BTBD9: variants seen among roughly 807,000 people sequenced by gnomAD.
BTBD9 encodes BTB/POZ domain-containing protein 9.
In BTBD9, 49 loss-of-function variants were observed where a neutral mutation model predicts 64.3. That is an observed-to-expected ratio of 0.76 (90% CI 0.61 to 0.97). The LOEUF (loss-of-function observed/expected upper bound fraction) is 0.97. Among genes scored for constraint, BTBD9 ranks in the 50% least tolerant of loss-of-function variants. BTBD9 has a pLI of 0.00. For synonymous variants in BTBD9, 260 were observed against 274.7 expected, an observed-to-expected ratio of 0.95 and a Z score of 0.53; for missense variants, 598 against 762.1, an observed-to-expected ratio of 0.78 and a Z score of 2.53.
At chr6:38,304,510 C>T (rs1431670560) in intron 7 of BTBD9, among the ~76,000 whole-genome samples, 2 of 151,692 alleles carry the variant, frequency 1.3e-5, no homozygotes, top group African/African-American at 4.8e-5. Context: ...CATGCCAATA[C>T]ACTCCAGCCT....
chr6:38,332,034 G>T (rs1763694608), intron 7 of BTBD9, among the ~76,000 whole-genome samples: 2 of 152,148 alleles, frequency 1.3e-5, no homozygotes, highest in South Asian at 2.1e-4. Flanking sequence ...TATTAGCGAG[G>T]CAAAACGCTT....
chr6:38,374,302 T>TATATATATATATATATAC (rs1562095430), intron 6 of BTBD9, among the ~76,000 whole-genome samples: 2 of 91,850 alleles, frequency 2.2e-5, no homozygotes, highest in Non-Finnish European at 4.1e-5. Flanking sequence ...TATATGTATA[T>TATATATATATATATATAC]ATATGTATAT....
intron 6 of BTBD9, among the ~76,000 whole-genome samples, chr6:38,546,515 G>T (rs1774560790): frequency 1.3e-5 from 2 of 152,024 alleles, no homozygotes; most frequent in Non-Finnish European, 2.9e-5. Context: ...TTCAAAAATT[G>T]AAGGTCTGCA....
intron 9 of BTBD9, among the ~76,000 whole-genome samples, chr6:38,211,963 T>C (rs1254661880): frequency 6.6e-6 from 1 of 152,234 alleles, no homozygotes; most frequent in East Asian, 1.9e-4. Context: ...TCTTCTCGTG[T>C]GACTGACCCA....
chr6:38,387,672 G>C (rs1766236784), intron 6 of BTBD9, among the ~76,000 whole-genome samples: 1 of 152,106 alleles, frequency 6.6e-6, no homozygotes, highest in Admixed American at 6.5e-5. Flanking sequence ...GTGAGTAATG[G>C]CCACAAAATA....
chr6:38,384,496 C>T (rs182303457), intron 6 of BTBD9, among the ~76,000 whole-genome samples: 42 of 152,278 alleles, frequency 2.8e-4, no homozygotes, highest in Admixed American at 2.5e-3. Flanking sequence ...CAAACAAAAG[C>T]CTGCTTAGTT....
rs1013535893 is a variant in BTBD9 at position 38,345,242 on chromosome 6, C to G, written c.1155-149G>C. 23 of 497,384 alleles carry G rather than the reference C, an allele frequency of 4.6e-5. No homozygotes were observed. In the Admixed American group the frequency reaches 6.6e-4, roughly 14 times the overall value. 30.8% of individuals were successfully genotyped at this position (497,384 alleles called of 1,614,324 possible). ...CTGAGCTTGACTTCAGACTCTATAT[C>G]TGCTCCTTATGGGTAGCTCCAATTG... On this transcript the variant is annotated intron_variant, in intron 6 of 10. Coordinates refer to ENST00000481247, the MANE Select transcript of BTBD9 (RefSeq NM_001099272.2).
At chr6:38,316,194 T>C (rs892471949) in intron 7 of BTBD9, among the ~76,000 whole-genome samples, 2 of 152,224 alleles carry the variant, frequency 1.3e-5, no homozygotes, top group Admixed American at 6.5e-5. Flanking sequence ...AGTCTATGTG[T>C]TTCTTTATAT....
intron 6 of BTBD9, among the ~76,000 whole-genome samples, chr6:38,477,402 ACT>A (rs1315877568): frequency 6.6e-6 from 1 of 152,242 alleles, no homozygotes; most frequent in Non-Finnish European, 1.5e-5. Flanking sequence ...GTAAGAGCAA[ACT>A]CTCATCTACA....
intron 6 of BTBD9, among the ~76,000 whole-genome samples, chr6:38,532,256 C>A (rs2127430558): frequency 6.6e-6 from 1 of 152,318 alleles, no homozygotes; most frequent in East Asian, 1.9e-4. Flanking sequence ...CAGTCCTAGC[C>A]AGAGGGGAAT....
rs962956079 is a variant in BTBD9 at position 38,292,773 on chromosome 6, C to G, written c.1265-4312G>C. 3.3e-5 allele frequency among the ~76,000 whole-genome samples: 5 copies of G among 152,110 alleles called. No homozygotes were observed. The South Asian group carries it at 6.2e-4, about 19-fold the overall frequency. On this transcript the variant is annotated intron_variant, in intron 7 of 10. Coordinates refer to ENST00000481247, the MANE Select transcript of BTBD9 (RefSeq NM_001099272.2). ...GTCAATCTTTTCAAAAAACCAGCTC[C>G]TGGATGCATTGATTTTTTGAAGGGT... is the stretch of plus-strand genomic sequence containing the variant.
intron 6 of BTBD9, among the ~76,000 whole-genome samples, chr6:38,376,235 G>A (rs1370141875): frequency 2.0e-5 from 3 of 152,152 alleles, no homozygotes; most frequent in African/African-American, 7.2e-5. Flanking sequence ...AATGATTTAA[G>A]CTCAAATATT....
intron 8 of BTBD9, among the ~76,000 whole-genome samples, chr6:38,261,110 T>A (rs1046822369): frequency 4.7e-5 from 7 of 148,126 alleles, no homozygotes; most frequent in East Asian, 2.0e-4. Context: ...CAGCTGATAT[T>A]TTTTTTTTTT....
intron 6 of BTBD9, among the ~76,000 whole-genome samples, chr6:38,363,672 TAGAA>T (rs1272768336): frequency 1.3e-5 from 2 of 151,778 alleles, no homozygotes; most frequent in Non-Finnish European, 2.9e-5. Context: ...TTGGGAAAAA[TAGAA>T]AGGGAAGAGA....
chr6:38,575,497 A>T (rs1775983629), intron 6 of BTBD9, among the ~76,000 whole-genome samples: 1 of 152,196 alleles, frequency 6.6e-6, no homozygotes. Flanking sequence ...TAAACAATTT[A>T]TTTGCCCAGT....
chr6:38,213,090 C>T (rs1762891850), intron 9 of BTBD9, among the ~76,000 whole-genome samples: 1 of 151,952 alleles, frequency 6.6e-6, no homozygotes, highest in Non-Finnish European at 1.5e-5. Context: ...AAAGCCCAGC[C>T]CTGACCTATG....
chr6:38,637,856 C>T (rs1778579241), intron 1 of BTBD9, among the ~76,000 whole-genome samples: 1 of 152,214 alleles, frequency 6.6e-6, no homozygotes, highest in Non-Finnish European at 1.5e-5. Flanking sequence ...TTGTCAAAGA[C>T]TGTACTCTGA....
At chr6:38,586,676 G>A (rs564883992) in intron 4 of BTBD9, among the ~76,000 whole-genome samples, 2 of 152,090 alleles carry the variant, frequency 1.3e-5, no homozygotes, top group African/African-American at 4.8e-5. Context: ...TTTTCAAGTC[G>A]TCAGCCCAGG....
At chr6:38,481,031 C>T (rs1185481182) in intron 6 of BTBD9, among the ~76,000 whole-genome samples, 2 of 152,142 alleles carry the variant, frequency 1.3e-5, no homozygotes, top group African/African-American at 2.4e-5. Context: ...AATGCCTTTC[C>T]ATCAGTATCA....
Sources: allele counts gnomAD v4.1 joint callset (sites outside exome capture counted in the v4.1 genomes callset), GRCh38; gene constraint gnomAD v4.1.1; transcripts MANE v1.5; gene names NCBI Gene and HGNC (gene_info 2026-07-23, HGNC 2026-07-21).